LPGAT1: variants seen among roughly 807,000 people sequenced by gnomAD.
The protein encoded by LPGAT1 is lysophosphatidylglycerol acyltransferase 1.
Under a neutral mutation model 47.5 loss-of-function variants are expected in LPGAT1, and 11 were observed. The ratio of observed to expected loss-of-function variants is 0.23; its 90% CI spans 0.15 to 0.38. The LOEUF (loss-of-function observed/expected upper bound fraction) is 0.38. Among genes scored for constraint, LPGAT1 ranks in the 10% least tolerant of loss-of-function variants. The pLI, the probability that LPGAT1 is intolerant of heterozygous loss-of-function variation, is 1.00. For synonymous variants in LPGAT1, 138 were observed against 144.2 expected (o/e 0.96, Z 0.31); for missense variants, 293 against 439.0 (o/e 0.67, Z 2.97).
chr1:211,779,141 A>G (rs528352724), intron 5 of LPGAT1, 97 bp from the exon 6 acceptor site: 3 of 957,274 alleles, frequency 3.1e-6, no homozygotes, highest in Non-Finnish European at 4.4e-6. Context: ...ATATATCACT[A>G]TACCTTTTGC....
In LPGAT1 at chr1:211,802,502, C is replaced by A. The variant is rs182620688; in HGVS notation, c.239-9312G>T. Among the ~76,000 whole-genome samples the A allele has an allele frequency of 2.2e-4, 33 of 151,756 alleles. 1 individual carries two copies. Among genetic ancestry groups the A allele is most frequent in the Non-Finnish European group, 4.3e-4 (29 of 67,928 alleles). ...GTAAGAGATGAGATGATGATAATAA[C>A]CATGAGACAAGAATAAGAAAAAAAA... On this transcript the variant is annotated intron_variant, in intron 2 of 7. Coordinates refer to ENST00000366997, the MANE Select transcript of LPGAT1 (RefSeq NM_014873.3).
At chr1:211,800,924 A>T (rs941284816) in intron 2 of LPGAT1, among the ~76,000 whole-genome samples, 1 of 152,214 alleles carries the variant, frequency 6.6e-6, no homozygotes, top group Non-Finnish European at 1.5e-5. Flanking sequence ...AGTTTGGAAC[A>T]ATCTCCTCTA....
In LPGAT1 at chr1:211,748,500, CAT is replaced by C. The variant is rs1053902564; in HGVS notation, c.*1397_*1398del. The C allele has an allele frequency of 2.6e-5, 4 of 152,246 alleles. No homozygotes were observed. Among genetic ancestry groups the C allele is most frequent in the African/African-American group, 7.2e-5 (3 of 41,434 alleles). The allele number at this position is 152,246 out of a possible 1,614,324, so 9.4% of individuals were successfully genotyped here. On this transcript the variant is annotated 3_prime_UTR_variant, in exon 8 of 8. Coordinates refer to ENST00000366997, the MANE Select transcript of LPGAT1 (RefSeq NM_014873.3). ...AGGAGTTCGAGGCCAGCCTGGCCAA[CAT>C]GGTGAAACCCCATCTCTACTAAAAA...
intron 6 of LPGAT1, among the ~76,000 whole-genome samples, chr1:211,752,002 T>A (rs1031877820): frequency 6.6e-6 from 1 of 152,182 alleles, no homozygotes; most frequent in African/African-American, 2.4e-5. Context: ...CCTATTCCCA[T>A]AACATATGCA....
intron 3 of LPGAT1, among the ~76,000 whole-genome samples, chr1:211,790,748 G>A (rs1659077115): frequency 6.6e-6 from 1 of 152,064 alleles, no homozygotes; most frequent in African/African-American, 2.4e-5. Flanking sequence ...ACTTTCTTTT[G>A]TCCACATGAC....
rs761987858 is a variant in LPGAT1, at chr1:211,824,871, A to G, written c.238+4188T>C. On this transcript the variant is annotated intron_variant, in intron 2 of 7. Coordinates refer to ENST00000366997, the MANE Select transcript of LPGAT1 (RefSeq NM_014873.3). Reference sequence around the variant, plus strand: ...AAAATTACTTTTTGTCACACAATGAATATGTATCCCTCCCCGAAAAGCAGG... The same window carrying G: ...AAAATTACTTTTTGTCACACAATGAGTATGTATCCCTCCCCGAAAAGCAGG... Among the ~76,000 whole-genome samples, 17 of 152,316 alleles carry G rather than the reference A, an allele frequency of 1.1e-4. No homozygotes were observed. The South Asian group carries it at 2.9e-3, about 26-fold the overall frequency.
chr1:211,753,636 T>C lies in LPGAT1; in HGVS notation c.855-2569A>G, dbSNP rs79661781. On this transcript the variant is annotated intron_variant, in intron 6 of 7. Transcript: ENST00000366997. ...AAATTATAATGGAAATTTTTAAACA[T>C]TCACAAGAGGAGAGAAAAAGGTTAA... is the stretch of plus-strand genomic sequence containing the variant. 5.8e-3 allele frequency among the ~76,000 whole-genome samples: 878 copies of C among 152,324 alleles called. 3 individuals carry two copies. Among genetic ancestry groups the C allele is most frequent in the Non-Finnish European group, 0.01 (689 of 68,024 alleles).
Position 211,829,421 on chromosome 1 carries a change from C to A in LPGAT1, c.-27-98G>T, listed in dbSNP as rs1316840684. 7 of 1,511,584 alleles carry A rather than the reference C, an allele frequency of 4.6e-6. No individual in the cohort carries two copies. The East Asian group carries it at 1.6e-4, about 35-fold the overall frequency. The allele number at this position is 1,511,584 out of a possible 1,614,324, so 93.6% of individuals were successfully genotyped here. A position where few individuals can be genotyped will look rare whatever the true frequency, so the allele number is the denominator to read the frequency against. On this transcript the variant is annotated intron_variant, in intron 1 of 7. Transcript: ENST00000366997. The stretch of plus-strand genomic sequence containing the variant: ...TCGCCCCCAGCACAAAATAAAACAG[C>A]GAGGGTCGAAGCTTTCCGGGTGTAG...
chr1:211,780,672 C>T (rs1339321106), intron 5 of LPGAT1, among the ~76,000 whole-genome samples: 1 of 152,014 alleles, frequency 6.6e-6, no homozygotes, highest in Non-Finnish European at 1.5e-5. Flanking sequence ...TAACATATTG[C>T]TAAATCAATG....
chr1:211,781,861 T>C (rs1658656322), intron 5 of LPGAT1, among the ~76,000 whole-genome samples: 1 of 152,238 alleles, frequency 6.6e-6, no homozygotes, highest in Admixed American at 6.5e-5. Context: ...TGCAAAACTT[T>C]GTAATTTACC....
chr1:211,755,061 G>C (rs1393047132), intron 6 of LPGAT1, among the ~76,000 whole-genome samples: 1 of 135,102 alleles, frequency 7.4e-6, no homozygotes, highest in Non-Finnish European at 1.5e-5. Context: ...AAAAAAGCCA[G>C]GCGAGGTGGC....
At chr1:211,789,675 A>G (rs143807997) in intron 3 of LPGAT1, among the ~76,000 whole-genome samples, 12,707 of 152,114 alleles carry the variant, frequency 0.084, 655 homozygotes, top group Admixed American at 0.15. Flanking sequence ...AGGTCAAGAG[A>G]TCGAGACCAT....
At chr1:211,771,808 G>C (rs1166206207) in intron 6 of LPGAT1, among the ~76,000 whole-genome samples, 1 of 151,992 alleles carries the variant, frequency 6.6e-6, no homozygotes, top group Non-Finnish European at 1.5e-5. Flanking sequence ...GCCCAGCCTA[G>C]TTTTTAGTTT....
intron 2 of LPGAT1, among the ~76,000 whole-genome samples, chr1:211,805,151 T>C (rs1274363124): frequency 6.9e-6 from 1 of 145,624 alleles, no homozygotes; most frequent in Non-Finnish European, 1.5e-5. Context: ...AAAGCAAAAG[T>C]GACTCTTTGA....
At position 211,746,770 on chromosome 1, in the gene LPGAT1, AT is replaced by A. The variant is rs1263108834; in HGVS notation, c.*3128del. Reference sequence around the variant, plus strand: ...CCAAAATATTATTTTCCATTCTGTAATTTTTCTTTACCTTCCATTACTTACA... The same window carrying A: ...CCAAAATATTATTTTCCATTCTGTAATTTTCTTTACCTTCCATTACTTACA... On this transcript the variant is annotated 3_prime_UTR_variant, in exon 8 of 8. Transcript: ENST00000366997. 1 of 152,008 alleles carries A rather than the reference AT, an allele frequency of 6.6e-6. No individual in the cohort carries two copies. Among genetic ancestry groups the A allele is most frequent in the East Asian group, 1.9e-4 (1 of 5,186 alleles). The allele number at this position is 152,008 out of a possible 1,614,324, so 9.4% of individuals were successfully genotyped here.
At chr1:211,805,985 C>T (rs12139254) in intron 2 of LPGAT1, among the ~76,000 whole-genome samples, 12,628 of 152,200 alleles carry the variant, frequency 0.083, 655 homozygotes, top group Admixed American at 0.15. Flanking sequence ...TCAGGCCGGG[C>T]GCAGTGGCTC....
Position 211,830,220 on chromosome 1 carries a change from G to A in LPGAT1, c.-28+353C>T. 1.0e-6 allele frequency: 1 copy of A among 983,686 alleles called. No individual in the cohort carries two copies. The highest frequency in any genetic ancestry group is 1.2e-6 in the Non-Finnish European group (1 of 829,490). 60.9% of individuals were successfully genotyped at this position (983,686 alleles called of 1,614,324 possible). On this transcript the variant is annotated intron_variant, in intron 1 of 7. Transcript: ENST00000366997. The surrounding 1 kb of genome is among the most constrained non-coding windows in gnomAD (Gnocchi z 5.9). ...GGACGGCGGGCGGCTGCGGAGAGCG[G>A]GGGCGGGTGTCCCCCGCCGAGGGGT...
intron 6 of LPGAT1, among the ~76,000 whole-genome samples, chr1:211,776,488 G>A (rs1658405364): frequency 6.6e-6 from 1 of 152,078 alleles, no homozygotes; most frequent in Non-Finnish European, 1.5e-5. Context: ...AGTGCCCACT[G>A]CACTCTAGCC....
Position 211,789,207 on chromosome 1 carries a change from A to T in LPGAT1, c.358-1480T>A, listed in dbSNP as rs539921188. Among the ~76,000 whole-genome samples the T allele has an allele frequency of 7.9e-5, 12 of 152,352 alleles. No homozygotes were observed. In the South Asian group the frequency reaches 2.3e-3, roughly 29 times the overall value. On this transcript the variant is annotated intron_variant, in intron 3 of 7. Coordinates refer to ENST00000366997, the MANE Select transcript of LPGAT1 (RefSeq NM_014873.3). ...ATTTGGACTAAATGAAATTTGTTGA[A>T]CAGTGTCCCCAAAACAAACAAAAAG...
Sources: gnomAD v4.1 joint callset for allele counts (sites outside exome capture counted in the v4.1 genomes callset) on GRCh38, gnomAD v4.1.1 for gene constraint, Gnocchi (gnomAD v3.1) non-coding constraint, MANE v1.5 for transcripts, NCBI Gene and HGNC (gene_info 2026-07-23, HGNC 2026-07-21) for gene names.